HYKK: variants seen among roughly 807,000 people sequenced by gnomAD.
The protein encoded by HYKK is hydroxylysine kinase.
A neutral mutation model predicts 29.7 loss-of-function variants in HYKK; 19 were observed. The observed-to-expected ratio is 0.64, with a 90% CI of 0.45 to 0.94. The LOEUF (loss-of-function observed/expected upper bound fraction) is 0.94. HYKK is among the 40% of genes least tolerant of loss of function. The pLI is 0.00. For synonymous variants in HYKK, 152 were observed against 158.1 expected, an observed-to-expected ratio of 0.96 and a Z score of 0.29; for missense variants, 390 against 443.4, an observed-to-expected ratio of 0.88 and a Z score of 1.08.
intron 2 of HYKK, among the ~76,000 whole-genome samples, chr15:78,513,790 ATTTG>A (rs998065694): frequency 5.3e-5 from 8 of 151,760 alleles, no homozygotes; most frequent in African/African-American, 1.7e-4. Context: ...GGGATTTTTT[ATTTG>A]TTTGTTTGTT....
At chr15:78,527,313 C>G in intron 3 of HYKK, 67 bp from the exon 4 acceptor site, 2 of 1,292,186 alleles carry the variant, frequency 1.5e-6, no homozygotes, top group Non-Finnish European at 2.2e-6. Flanking sequence ...AAATGTGCAG[C>G]ACCTCCCACC....
intron 3 of HYKK, among the ~76,000 whole-genome samples, chr15:78,520,713 C>A (rs2052184414): frequency 6.6e-6 from 1 of 152,248 alleles, no homozygotes; most frequent in Non-Finnish European, 1.5e-5. Context: ...TTCCACAAAA[C>A]CGCCATTGTC....
At position 78,509,932 on chromosome 15, in the gene HYKK, G is replaced by A. The variant is rs534028671; in HGVS notation, c.-6+2261G>A. On this transcript the variant is annotated intron_variant, in intron 1 of 4. Coordinates refer to ENST00000388988, the MANE Select transcript of HYKK (RefSeq NM_001013619.4). ...GCATTAACTTGCAGTAACAGGTGAT[G>A]GAAACCGATCAGTGGCACAAGCTAT... 1.3e-4 allele frequency among the ~76,000 whole-genome samples: 20 copies of A among 152,308 alleles called. 1 individual carries two copies. The highest frequency in any genetic ancestry group is 4.8e-4 in the African/African-American group (20 of 41,568).
At chr15:78,514,911 T>A (rs1345816968) in intron 2 of HYKK, 57 bp from the exon 3 acceptor site, 2 of 454,968 alleles carry the variant, frequency 4.4e-6, no homozygotes. Context: ...TCTCTCTCTA[T>A]ATATATATAT....
At chr15:78,531,583 G>A (rs998536918) in intron 4 of HYKK, among the ~76,000 whole-genome samples, 10 of 152,252 alleles carry the variant, frequency 6.6e-5, no homozygotes, top group Admixed American at 4.6e-4. Flanking sequence ...CCAGGCTAGA[G>A]TGCAGTGATG....
chr15:78,537,219 C>A, downstream of HYKK: 1 of 499,512 alleles, frequency 2.0e-6, no homozygotes, highest in South Asian at 3.9e-5. Flanking sequence ...ACCTATCCAT[C>A]CTTCCATCCC....
chr15:78,519,529 G>T (rs1396388219), intron 3 of HYKK, among the ~76,000 whole-genome samples: 1 of 152,164 alleles, frequency 6.6e-6, no homozygotes, highest in Non-Finnish European at 1.5e-5. Flanking sequence ...AGAGGCCAAG[G>T]TAGGTGGATC....
chr15:78,515,771 G>T (rs576481461), intron 3 of HYKK, among the ~76,000 whole-genome samples: 5 of 151,970 alleles, frequency 3.3e-5, no homozygotes, highest in Non-Finnish European at 7.4e-5. Flanking sequence ...TGTATTTTTA[G>T]TAGAGACGAG....
At chr15:78,510,958 CTTTT>C (rs923918603) in intron 1 of HYKK, among the ~76,000 whole-genome samples, 4 of 85,156 alleles carry the variant, frequency 4.7e-5, no homozygotes, top group Non-Finnish European at 9.7e-5. Context: ...TCATGAGATT[CTTTT>C]TTTTTTTTTT....
intron 1 of HYKK, among the ~76,000 whole-genome samples, chr15:78,508,880 C>CAAAAAAAAAAA (rs71148531): frequency 0.2 from 11,113 of 55,266 alleles, 2,467 homozygotes; most frequent in Non-Finnish European, 0.24. Flanking sequence ...CCTCTCTCTC[C>CAAAAAAAAAAA]AAAAAAAAAA....
At chr15:78,526,773 G>A (rs778332262) in intron 3 of HYKK, among the ~76,000 whole-genome samples, 11 of 152,290 alleles carry the variant, frequency 7.2e-5, no homozygotes, top group South Asian at 6.2e-4. Flanking sequence ...AAGTGAGCTG[G>A]GAATGTGCTC....
chr15:78,508,123 G>A (rs966033411), intron 1 of HYKK, among the ~76,000 whole-genome samples: 1 of 152,162 alleles, frequency 6.6e-6, no homozygotes. Context: ...CACCCACCAG[G>A]AAGACCCTTA....
At chr15:78,508,879 C>CAAAAAAAAA (rs1567012457) in intron 1 of HYKK, among the ~76,000 whole-genome samples, 1 of 5,606 alleles carries the variant, frequency 1.8e-4, no homozygotes, top group African/African-American at 4.4e-4. Context: ...CCCTCTCTCT[C>CAAAAAAAAA]CAAAAAAAAA....
intron 3 of HYKK, chr15:78,518,476 C>G: frequency 2.5e-6 from 1 of 402,518 alleles, no homozygotes; most frequent in Non-Finnish European, 5.1e-6. Flanking sequence ...CACCTGGGCC[C>G]CTTGTTTGTT....
chr15:78,526,058 G>C lies in HYKK; in HGVS notation c.478-1322G>C, dbSNP rs540907407. ...TCCTCCCTCAGCCTTATAATAACAAGTCGTTATCCCTCTATGAATCTGTTT... is the reference window on the plus strand; with the variant it reads ...TCCTCCCTCAGCCTTATAATAACAACTCGTTATCCCTCTATGAATCTGTTT... On this transcript the variant is annotated intron_variant, in intron 3 of 4. Transcript: ENST00000388988. 2.4e-3 allele frequency among the ~76,000 whole-genome samples: 366 copies of C among 152,336 alleles called. 4 individuals are homozygous for C. The highest frequency in any genetic ancestry group is 5.1e-4 in the Non-Finnish European group (35 of 68,032).
intron 4 of HYKK, among the ~76,000 whole-genome samples, chr15:78,531,893 C>T (rs1504546): frequency 0.32 from 47,943 of 151,932 alleles, 8,582 homozygotes; most frequent in Non-Finnish European, 0.42. Flanking sequence ...TTCAGAAATA[C>T]GTAGTTTAAA....
intron 4 of HYKK, among the ~76,000 whole-genome samples, chr15:78,529,114 T>C (rs1185170682): frequency 6.6e-6 from 1 of 152,110 alleles, no homozygotes; most frequent in Non-Finnish European, 1.5e-5. Flanking sequence ...ATGATCTGGA[T>C]GATTGCAGTA....
At chr15:78,530,617 T>C (rs1287599817) in intron 4 of HYKK, among the ~76,000 whole-genome samples, 1 of 152,114 alleles carries the variant, frequency 6.6e-6, no homozygotes, top group Non-Finnish European at 1.5e-5. Context: ...CTACTAAGGA[T>C]ATTCCTTAGG....
intron 3 of HYKK, among the ~76,000 whole-genome samples, chr15:78,526,861 A>G (rs909302248): frequency 1.3e-5 from 2 of 152,238 alleles, no homozygotes; most frequent in South Asian, 4.1e-4. Flanking sequence ...GTCAATGACC[A>G]TGAGAGAATG....
Sources: allele counts gnomAD v4.1 joint callset (sites outside exome capture counted in the v4.1 genomes callset), GRCh38; gene constraint gnomAD v4.1.1; transcripts MANE v1.5; gene names NCBI Gene and HGNC (gene_info 2026-07-23, HGNC 2026-07-21).